Variants in CSNK1E observed in about 807,000 individuals in gnomAD.
CSNK1E encodes casein kinase 1 epsilon, also known as casein kinase I isoform epsilon.
Under a neutral mutation model 46.1 loss-of-function variants are expected in CSNK1E, and 17 were observed. The observed-to-expected ratio is 0.37, with a 90% CI of 0.25 to 0.55. The LOEUF (loss-of-function observed/expected upper bound fraction) is 0.55, where lower values mean the gene tolerates loss of function less well. CSNK1E is among the 20% of genes least tolerant of loss of function. The probability of loss-of-function intolerance (pLI) is 0.82; values close to 1 mark genes in which losing one functional copy is unlikely to be tolerated. For missense variants in CSNK1E, 386 were observed against 595.4 expected (o/e 0.65, Z 3.66); for synonymous variants, 241 against 242.6 (o/e 0.99, Z 0.06).
At chr22:38,293,037 C>T in intron 10 of CSNK1E, 1 of 562,646 alleles carries the variant, frequency 1.8e-6, no homozygotes, top group Non-Finnish European at 3.2e-6. Flanking sequence ...GAAACTAATC[C>T]ATGAGGGGTC....
intron 10 of CSNK1E, 156 bp downstream of exon 10, chr22:38,293,099 T>C: frequency 1.5e-6 from 1 of 667,688 alleles, no homozygotes; most frequent in Non-Finnish European, 2.7e-6. Context: ...TCCGAGGTTT[T>C]AAACTACTTG....
chr22:38,314,128 G>A lies in CSNK1E; in HGVS notation c.30C>T (p.Arg10=). Reference sequence around the variant, plus strand: ...ACCCGCTCCCGATCTTCCGTCCCAGGCGGTACTTGTTCCCCACACGTAGCT... The same window carrying A: ...ACCCGCTCCCGATCTTCCGTCCCAGACGGTACTTGTTCCCCACACGTAGCT... MELRVGNKY[R]LGRKIGSGSF... is the part of the protein sequence containing the mutation. The change falls in exon 2 of 11, where the codon CGC becomes CGT. Residue 10 remains arginine (R), a synonymous_variant. Transcript: ENST00000396832. 1 of 1,614,080 alleles carries A rather than the reference G, an allele frequency of 6.2e-7. No individual in the cohort carries two copies. Among genetic ancestry groups the A allele is most frequent in the Non-Finnish European group, 8.5e-7 (1 of 1,179,964 alleles).
At chr22:38,315,709 A>G (rs1291576115) in intron 1 of CSNK1E, among the ~76,000 whole-genome samples, 1 of 148,088 alleles carries the variant, frequency 6.8e-6, no homozygotes, top group African/African-American at 2.5e-5. Flanking sequence ...GAGACCACAC[A>G]TGGCAGCCAG....
chr22:38,313,607 C>A (rs979468100), intron 2 of CSNK1E, among the ~76,000 whole-genome samples: 4 of 152,218 alleles, frequency 2.6e-5, no homozygotes, highest in African/African-American at 9.6e-5. Context: ...CCCCACCCCA[C>A]CCCCGAGGTT....
intron 7 of CSNK1E, chr22:38,296,432 T>C (rs375736127): frequency 1.6e-5 from 23 of 1,455,394 alleles, no homozygotes; most frequent in Non-Finnish European, 1.9e-5. Flanking sequence ...CAGGGTGTCC[T>C]GTCTACTGTT....
In CSNK1E at chr22:38,303,094, A is replaced by G. The variant is rs921742173; in HGVS notation, c.187+44T>C. Reference sequence around the variant, plus strand: ...GCCCACCCTGTGCTCATGGCTGCCCACCGCCACCCACCCGGCGCCCGCCGC... The same window carrying G: ...GCCCACCCTGTGCTCATGGCTGCCCGCCGCCACCCACCCGGCGCCCGCCGC... On this transcript the variant is annotated intron_variant, in intron 3 of 10. Coordinates refer to ENST00000396832, the MANE Select transcript of CSNK1E (RefSeq NM_152221.3). The surrounding 1 kb of genome is among the most constrained non-coding windows in gnomAD (Gnocchi z 4.7). The G allele has an allele frequency of 9.5e-6, 15 of 1,579,814 alleles. No individual in the cohort carries two copies. Among genetic ancestry groups the G allele is most frequent in the East Asian group, 2.3e-5 (1 of 44,386 alleles).
At position 38,294,878 on chromosome 22, in the gene CSNK1E, G is replaced by GC. The variant is rs2092631614; in HGVS notation, c.886-345dup. Among the ~76,000 whole-genome samples, 1 of 152,154 alleles carries GC rather than the reference G, an allele frequency of 6.6e-6. No individual in the cohort carries two copies. The highest frequency in any genetic ancestry group is 2.1e-4 in the South Asian group (1 of 4,826). Reference sequence around the variant, plus strand: ...CTGACCTGGGGCTGGGCCTGCCCTGGCCCCCCTCTGTGTACCAAGAGCCCT... The same window carrying GC: ...CTGACCTGGGGCTGGGCCTGCCCTGGCCCCCCCTCTGTGTACCAAGAGCCCT... On this transcript the variant is annotated intron_variant, in intron 7 of 10. Coordinates refer to ENST00000396832, the MANE Select transcript of CSNK1E (RefSeq NM_152221.3). The surrounding 1 kb of genome is among the most constrained non-coding windows in gnomAD (Gnocchi z 5.5).
chr22:38,316,604 C>A (rs2092747245), intron 1 of CSNK1E: 2 of 152,292 alleles, frequency 1.3e-5, no homozygotes, highest in African/African-American at 4.8e-5. Flanking sequence ...AACCCCCACC[C>A]CTTTCTTTCT....
At chr22:38,313,340 C>G (rs1416885265) in intron 2 of CSNK1E, among the ~76,000 whole-genome samples, 3 of 152,218 alleles carry the variant, frequency 2.0e-5, no homozygotes, top group Non-Finnish European at 4.4e-5. Context: ...AGCCTCCACC[C>G]GCTAATCCAC....
chr22:38,307,180 T>A (rs369148454), intron 2 of CSNK1E, among the ~76,000 whole-genome samples: 1 of 150,996 alleles, frequency 6.6e-6, no homozygotes, highest in Admixed American at 6.6e-5. Flanking sequence ...CAAAAATAAA[T>A]AGGTAAATAA....
intron 2 of CSNK1E, among the ~76,000 whole-genome samples, chr22:38,305,741 C>CAAAAG (rs1454746932): frequency 3.3e-5 from 5 of 151,568 alleles, no homozygotes; most frequent in African/African-American, 1.2e-4. Flanking sequence ...GACCATGTTT[C>CAAAAG]ACCTAGGATT....
chr22:38,309,096 T>C lies in CSNK1E; in HGVS notation c.76+4986A>G, dbSNP rs2092710534. On this transcript the variant is annotated intron_variant, in intron 2 of 10. Transcript: ENST00000396832. This position sits in a 1 kb window ranked among gnomAD's most constrained non-coding sequence, Gnocchi z 4.8. ...GCACCCATGACTTCTACCCACTAGA[T>C]GCCAGGGCACCCCTTTCCCCCTGAA... 6.6e-6 allele frequency among the ~76,000 whole-genome samples: 1 copy of C among 152,180 alleles called. No homozygotes were observed. Among genetic ancestry groups the C allele is most frequent in the Admixed American group, 6.5e-5 (1 of 15,274 alleles).
intron 6 of CSNK1E, 111 bp downstream of exon 6, chr22:38,299,784 A>G: frequency 8.0e-7 from 1 of 1,250,370 alleles, no homozygotes; most frequent in Non-Finnish European, 1.1e-6. Context: ...CCAGGACTGC[A>G]GGCGTGAACC....
Position 38,291,338 on chromosome 22 carries a change from C to CCACACA in CSNK1E, c.*627_*632dup, listed in dbSNP as rs71324902. The CCACACA allele has an allele frequency of 0.071, 10,481 of 147,934 alleles. 569 individuals carry two copies. Among genetic ancestry groups the CCACACA allele is most frequent in the Admixed American group, 0.17 (2,553 of 14,812 alleles). The allele number at this position is 147,934 out of a possible 1,614,324, so 9.2% of individuals were successfully genotyped here. On this transcript the variant is annotated 3_prime_UTR_variant, in exon 11 of 11. Transcript: ENST00000396832. ...TCTTGGGAAACACAGGTCAATACAT[C>CCACACA]CACACACACACACACACACACACAC... is the stretch of plus-strand genomic sequence containing the variant.
chr22:38,311,481 C>CCTCG (rs25535), intron 2 of CSNK1E, among the ~76,000 whole-genome samples: 1 of 151,958 alleles, frequency 6.6e-6, no homozygotes, highest in Non-Finnish European at 1.5e-5. Context: ...CAGCCATGGG[C>CCTCG]CTGTCTCCTG....
chr22:38,298,777 G>A lies in CSNK1E; in HGVS notation c.885+9C>T, dbSNP rs961117338. 3 of 1,613,898 alleles carry A rather than the reference G, an allele frequency of 1.9e-6. No individual in the cohort carries two copies. The Admixed American group carries it at 5.0e-5, about 27-fold the overall frequency. ...CCCCCAAGCCCGCCTTGGCCTCCAGGTGACTCACGAATTTCAGCATGTTCC... is the reference window on the plus strand; with the variant it reads ...CCCCCAAGCCCGCCTTGGCCTCCAGATGACTCACGAATTTCAGCATGTTCC... On this transcript the variant is annotated intron_variant, in intron 7 of 10. Transcript: ENST00000396832. This position sits in a 1 kb window ranked among gnomAD's most constrained non-coding sequence, Gnocchi z 4.2.
Position 38,300,040 on chromosome 22 carries a change from C to T in CSNK1E, c.591G>A (p.Glu197=). ...GIEQSRRDDL[E]SLGYVLMYFN... ...AGTACATGAGCACGTAGCCCAGGCT[C>T]TCCAGGTCATCTCGACGGCTTTGCT... The change falls in exon 6 of 11, where the codon GAG becomes GAA. Residue 197 remains glutamate, a synonymous_variant. Transcript: ENST00000396832. This position sits in a 1 kb window ranked among gnomAD's most constrained non-coding sequence, Gnocchi z 4.4. 1.2e-6 allele frequency: 2 copies of T among 1,614,066 alleles called. No individual in the cohort carries two copies. The highest frequency in any genetic ancestry group is 1.7e-6 in the Non-Finnish European group (2 of 1,180,004).
In CSNK1E at chr22:38,297,649, G is replaced by A. The variant is rs555538490; in HGVS notation, c.885+1137C>T. 2.2e-4 allele frequency: 214 copies of A among 992,132 alleles called. 3 individuals carry two copies. The highest frequency in any genetic ancestry group is 1.6e-3 in the Middle Eastern group (3 of 1,918). 61.5% of individuals were successfully genotyped at this position (992,132 alleles called of 1,614,324 possible). A position where few individuals can be genotyped will look rare whatever the true frequency, so the allele number is the denominator to read the frequency against. On this transcript the variant is annotated intron_variant, in intron 7 of 10. Transcript: ENST00000396832. ...TGAGTTCTGGTTCAACACAGAGGCC[G>A]CCAACGGGGTCTAGCTATGAGTCTG...
chr22:38,315,659 C>CT (rs1343701879), intron 1 of CSNK1E, among the ~76,000 whole-genome samples: 2 of 151,154 alleles, frequency 1.3e-5, no homozygotes, highest in South Asian at 2.1e-4. Flanking sequence ...ACGCAACCCC[C>CT]CCCCAACACC....
Sources: allele counts gnomAD v4.1 joint callset (sites outside exome capture counted in the v4.1 genomes callset), GRCh38; gene constraint gnomAD v4.1.1; non-coding constraint Gnocchi (gnomAD v3.1); transcripts MANE v1.5; gene names NCBI Gene and HGNC (gene_info 2026-07-23, HGNC 2026-07-21).